TULP4: variants seen among roughly 807,000 people sequenced by gnomAD.
TULP4 encodes tubby-related protein 4.
TULP4 carries 16 observed loss-of-function variants against 129.0 expected under a neutral mutation model. The observed-to-expected ratio is 0.12, with a 90% CI of 0.08 to 0.19. TULP4 has a LOEUF of 0.19. Among genes scored for constraint, TULP4 ranks in the 10% least tolerant of loss-of-function variants. The pLI, the probability that TULP4 is intolerant of heterozygous loss-of-function variation, is 1.00. For missense variants in TULP4, 1,842 were observed against 2,059.1 expected (o/e 0.89, Z 2.04); for synonymous variants, 998 against 854.0 (o/e 1.17, Z -2.94).
At chr6:158,300,441 G>A (rs1779113070) in intron 1 of TULP4, among the ~76,000 whole-genome samples, 1 of 152,214 alleles carries the variant, frequency 6.6e-6, no homozygotes, top group Non-Finnish European at 1.5e-5. Context: ...TTGTTGCTCA[G>A]ACTGTTTGGA....
At chr6:158,444,212 T>C (rs1415724006) in intron 3 of TULP4, among the ~76,000 whole-genome samples, 1 of 83,840 alleles carries the variant, frequency 1.2e-5, no homozygotes, top group Admixed American at 1.8e-4. Flanking sequence ...AGAGCAAGAC[T>C]CTGTCTCAAA....
chr6:158,443,768 T>TA (rs924193891), intron 3 of TULP4, among the ~76,000 whole-genome samples: 169 of 149,796 alleles, frequency 1.1e-3, no homozygotes, highest in Middle Eastern at 3.5e-3. Context: ...TTTCATCTTT[T>TA]AAAAAAAAAA....
chr6:158,332,764 G>A (rs1202383462), intron 1 of TULP4, among the ~76,000 whole-genome samples: 4 of 152,224 alleles, frequency 2.6e-5, no homozygotes, highest in Non-Finnish European at 5.9e-5. Context: ...GAAGAGCCCT[G>A]GAAGTTTCAG....
chr6:158,253,484 A>C (rs1778182836), intron 1 of TULP4, among the ~76,000 whole-genome samples: 1 of 152,096 alleles, frequency 6.6e-6, no homozygotes, highest in Admixed American at 6.6e-5. Context: ...CTGCATGTTG[A>C]GTGGCTTCAT....
At chr6:158,383,332 G>C (rs896142858) in intron 1 of TULP4, among the ~76,000 whole-genome samples, 2 of 152,192 alleles carry the variant, frequency 1.3e-5, no homozygotes, top group Non-Finnish European at 2.9e-5. Context: ...CTTACATTCA[G>C]TTTCTCTGCT....
At chr6:158,365,242 G>A (rs1025722653) in intron 1 of TULP4, among the ~76,000 whole-genome samples, 5 of 151,868 alleles carry the variant, frequency 3.3e-5, no homozygotes, top group African/African-American at 1.2e-4. Flanking sequence ...AGAGAGAAGT[G>A]TTTTATCTCT....
intron 1 of TULP4, among the ~76,000 whole-genome samples, chr6:158,349,131 A>ACGGGGCAGC (rs1309699475): frequency 7.2e-6 from 1 of 138,078 alleles, no homozygotes; most frequent in Admixed American, 7.2e-5. Flanking sequence ...CACTTCCCAG[A>ACGGGGCAGC]TGGGGCAGCT....
intron 1 of TULP4, among the ~76,000 whole-genome samples, chr6:158,336,632 T>C (rs1780040567): frequency 6.6e-6 from 1 of 152,222 alleles, no homozygotes; most frequent in Middle Eastern, 3.2e-3. Context: ...CATGACTTCC[T>C]TATAGCAGGA....
chr6:158,402,711 C>G (rs1777881669), intron 1 of TULP4, among the ~76,000 whole-genome samples: 1 of 152,080 alleles, frequency 6.6e-6, no homozygotes, highest in Non-Finnish European at 1.5e-5. Context: ...AAGGTCTGAA[C>G]TAAGCTGTTA....
intron 1 of TULP4, among the ~76,000 whole-genome samples, chr6:158,363,381 C>T (rs1780845795): frequency 6.6e-6 from 1 of 152,180 alleles, no homozygotes; most frequent in African/African-American, 2.4e-5. Context: ...GTTAAGGCAT[C>T]TATTTTTTTA....
intron 1 of TULP4, among the ~76,000 whole-genome samples, chr6:158,343,637 G>C (rs548237925): frequency 3.3e-5 from 5 of 152,118 alleles, no homozygotes; most frequent in Non-Finnish European, 7.3e-5. Context: ...CCACCATGCT[G>C]GCCCCCTGAT....
In TULP4 at chr6:158,507,392, A is replaced by G. The variant is rs1279491280; in HGVS notation, c.*698A>G. On this transcript the variant is annotated 3_prime_UTR_variant, in exon 14 of 14. Coordinates refer to ENST00000367097, the MANE Select transcript of TULP4 (RefSeq NM_020245.5). The stretch of plus-strand genomic sequence containing the variant: ...GGTTCACATCACTCTGCAGACAGCA[A>G]TGTGACTCAGCGTGTGACTTGTAGC... 6.6e-6 allele frequency: 1 copy of G among 152,516 alleles called. No individual in the cohort carries two copies. Among genetic ancestry groups the G allele is most frequent in the African/African-American group, 2.4e-5 (1 of 41,462 alleles). The allele number at this position is 152,516 out of a possible 1,614,324, so 9.4% of individuals were successfully genotyped here.
At position 158,236,795 on chromosome 6, in the gene TULP4, C is replaced by CTTTTTT. The variant is rs71030149; in HGVS notation, n.68+4523_68+4528dup. The stretch of plus-strand genomic sequence containing the variant: ...AGATGGGTAAATGCCCAATTCTTTT[C>CTTTTTT]TTTTTTTTTTTTTTTTTTTTTTTTT... On this transcript the variant is annotated intron_variant and non_coding_transcript_variant, in intron 1 of 1. Transcript: ENST00000620026. Among the ~76,000 whole-genome samples, 19 of 63,288 alleles carry CTTTTTT rather than the reference C, an allele frequency of 3.0e-4. 5 individuals are homozygous for CTTTTTT. Among genetic ancestry groups the CTTTTTT allele is most frequent in the Non-Finnish European group, 4.0e-4 (13 of 32,236 alleles). The allele number at this position is 63,288 out of a possible 152,430, so 41.5% of individuals were successfully genotyped here. A position where few individuals can be genotyped will look rare whatever the true frequency, so the allele number is the denominator to read the frequency against.
At chr6:158,268,292 G>A (rs970188362) in intron 1 of TULP4, among the ~76,000 whole-genome samples, 21 of 151,912 alleles carry the variant, frequency 1.4e-4, no homozygotes, top group African/African-American at 4.6e-4. Context: ...GGCCACTTCT[G>A]CCTCCCAGAG....
At chr6:158,440,299 CAG>C (rs1778858941) in intron 3 of TULP4, among the ~76,000 whole-genome samples, 1 of 119,212 alleles carries the variant, frequency 8.4e-6, no homozygotes, top group African/African-American at 3.4e-5. Context: ...GCCTGGATGA[CAG>C]AGTGAGTCCC....
chr6:158,337,739 C>T (rs185374149), intron 1 of TULP4, among the ~76,000 whole-genome samples: 2 of 151,906 alleles, frequency 1.3e-5, no homozygotes, highest in Admixed American at 1.3e-4. Flanking sequence ...GACCAATACT[C>T]CTAAAGACCA....
intron 1 of TULP4, among the ~76,000 whole-genome samples, chr6:158,250,165 T>C (rs1778112805): frequency 6.6e-6 from 1 of 151,222 alleles, no homozygotes; most frequent in Non-Finnish European, 1.5e-5. Context: ...TTCTTTTTTT[T>C]TTTTTTGTTT....
chr6:158,459,740 T>G (rs1472537005), intron 5 of TULP4, among the ~76,000 whole-genome samples: 1 of 152,240 alleles, frequency 6.6e-6, no homozygotes, highest in East Asian at 1.9e-4. Context: ...AATATTACAA[T>G]GATGCTTCTG....
chr6:158,454,531 T>G (rs614129), intron 5 of TULP4, among the ~76,000 whole-genome samples: 63,002 of 151,594 alleles, frequency 0.42, 14,329 homozygotes, highest in African/African-American at 0.62. Context: ...ATTTTTCCAG[T>G]TTTTTACCAC....
Sources: allele counts gnomAD v4.1 joint callset (sites outside exome capture counted in the v4.1 genomes callset), GRCh38; gene constraint gnomAD v4.1.1; transcripts MANE v1.5; gene names NCBI Gene and HGNC (gene_info 2026-07-23, HGNC 2026-07-21).